RB1CC1: variants seen among roughly 807,000 people sequenced by gnomAD.
The protein encoded by RB1CC1 is RB1 inducible coiled-coil 1.
Under a neutral mutation model 177.5 loss-of-function variants are expected in RB1CC1, and 46 were observed. That is an observed-to-expected ratio of 0.26 (90% CI 0.20 to 0.33). The LOEUF (loss-of-function observed/expected upper bound fraction) is 0.33. RB1CC1 is among the 10% of genes least tolerant of loss of function. The probability of loss-of-function intolerance (pLI) is 1.00; values close to 1 mark genes in which losing one functional copy is unlikely to be tolerated. For synonymous variants in RB1CC1, 666 were observed against 613.6 expected (o/e 1.09, Z -1.26); for missense variants, 1,703 against 1,816.3 (o/e 0.94, Z 1.13).
chr8:52,695,120 A>G (rs915489271), intron 1 of RB1CC1, among the ~76,000 whole-genome samples: 1 of 152,228 alleles, frequency 6.6e-6, no homozygotes, highest in African/African-American at 2.4e-5. Context: ...ATCTAAAAAG[A>G]AGACAGTATT....
intron 1 of RB1CC1, among the ~76,000 whole-genome samples, chr8:52,690,707 CT>C (rs1854776033): frequency 6.6e-6 from 1 of 152,106 alleles, no homozygotes; most frequent in Admixed American, 6.5e-5. Context: ...TGAATATTAT[CT>C]TTTGTTTTGA....
intron 20 of RB1CC1, among the ~76,000 whole-genome samples, chr8:52,631,347 T>C (rs1266786871): frequency 6.6e-6 from 1 of 152,136 alleles, no homozygotes; most frequent in Non-Finnish European, 1.5e-5. Flanking sequence ...CAAGCGCCTA[T>C]GGTCCCAGCT....
intron 1 of RB1CC1, among the ~76,000 whole-genome samples, chr8:52,703,477 A>AT (rs1337075731): frequency 2.6e-5 from 4 of 152,204 alleles, no homozygotes; most frequent in African/African-American, 9.7e-5. Context: ...GCTCCATACC[A>AT]TTTAGGCTGA....
chr8:52,689,724 TA>T (rs2150627759), intron 1 of RB1CC1, among the ~76,000 whole-genome samples: 1 of 152,252 alleles, frequency 6.6e-6, no homozygotes, highest in East Asian at 1.9e-4. Context: ...ATCGAGCTGC[TA>T]AAGTCTCTGA....
At chr8:52,627,959 G>T (rs1409491456) in intron 22 of RB1CC1, 73 bp downstream of exon 22, 2 of 1,346,032 alleles carry the variant, frequency 1.5e-6, no homozygotes, top group Non-Finnish European at 2.0e-6. Context: ...TAATTAAACA[G>T]GGAAAAAAAA....
intron 1 of RB1CC1, among the ~76,000 whole-genome samples, chr8:52,708,648 GT>G (rs1856796206): frequency 6.6e-6 from 1 of 152,154 alleles, no homozygotes; most frequent in African/African-American, 2.4e-5. Flanking sequence ...CTCTTAAGTA[GT>G]TAATATAAGG....
intron 23 of RB1CC1, 31 bp from the exon 24 acceptor site, chr8:52,623,890 G>T: frequency 9.2e-6 from 13 of 1,418,890 alleles, no homozygotes; most frequent in Non-Finnish European, 1.2e-5. Flanking sequence ...GGAATCACTA[G>T]AGTGATTAAA....
intron 1 of RB1CC1, among the ~76,000 whole-genome samples, chr8:52,690,431 G>A (rs1454998681): frequency 6.6e-6 from 1 of 152,184 alleles, no homozygotes; most frequent in Non-Finnish European, 1.5e-5. Flanking sequence ...GGAGAAAGCA[G>A]CATTAAACAA....
At chr8:52,667,705 T>C (rs941578617) in intron 8 of RB1CC1, among the ~76,000 whole-genome samples, 1 of 152,190 alleles carries the variant, frequency 6.6e-6, no homozygotes, top group Non-Finnish European at 1.5e-5. Context: ...TCATTTCTTA[T>C]CCTTCGTCCT....
At chr8:52,660,072 G>A (rs1479287156) in intron 12 of RB1CC1, among the ~76,000 whole-genome samples, 1 of 152,180 alleles carries the variant, frequency 6.6e-6, no homozygotes, top group Admixed American at 6.5e-5. Context: ...TCATGGAAAC[G>A]TTTCTTCTCA....
At chr8:52,683,490 GC>G (rs1367571699) in intron 5 of RB1CC1, 58 bp downstream of exon 5, 27 of 1,407,842 alleles carry the variant, frequency 1.9e-5, no homozygotes, top group Non-Finnish European at 2.6e-5. Context: ...AGACTACTGT[GC>G]TATTTAGATC....
chr8:52,685,404 C>T lies in RB1CC1; in HGVS notation c.66G>A (p.Val22=). The T allele has an allele frequency of 6.3e-7, 1 of 1,589,080 alleles. No individual in the cohort carries two copies. The highest frequency in any genetic ancestry group is 8.6e-7 in the Non-Finnish European group (1 of 1,162,464). Residue 22 remains valine, a synonymous_variant, in exon 3 of 24, where the codon GTG becomes GTA. Transcript: ENST00000025008. ...TTLTFDTELT[V]QTVADLKHAI... Reference sequence around the variant, plus strand: ...ATAAATGAAATACAACTCACGTTTGCACTGTAAGTTCAGTGTCAAATGTTA... The same window carrying T: ...ATAAATGAAATACAACTCACGTTTGTACTGTAAGTTCAGTGTCAAATGTTA...
chr8:52,704,838 C>T (rs1856413274), intron 1 of RB1CC1, among the ~76,000 whole-genome samples: 1 of 152,184 alleles, frequency 6.6e-6, no homozygotes, highest in South Asian at 2.1e-4. Context: ...ATAAGTATTA[C>T]TTTTCACCAA....
At position 52,685,545 on chromosome 8, in the gene RB1CC1, A is replaced by G. The variant is rs991769590; in HGVS notation, c.-51-25T>C. On this transcript the variant is annotated intron_variant, in intron 2 of 23. Transcript: ENST00000025008. ...ACTAGAAGAAACAAGAGAAGTGATC[A>G]ATTTTACAAATGCAACTACAATCAC... 5.9e-6 allele frequency: 5 copies of G among 846,416 alleles called. No individual in the cohort carries two copies. In the African/African-American group the frequency reaches 8.5e-5, roughly 14 times the overall value. The allele number at this position is 846,416 out of a possible 1,614,324, so 52.4% of individuals were successfully genotyped here. A position where few individuals can be genotyped will look rare whatever the true frequency, so the allele number is the denominator to read the frequency against.
rs774154239 is a variant in RB1CC1 at position 52,660,649 on chromosome 8, A to G, written c.1636T>C (p.Phe546Leu). 1 of 1,599,446 alleles carries G rather than the reference A, an allele frequency of 6.3e-7. No homozygotes were observed. Among genetic ancestry groups the G allele is most frequent in the South Asian group, 1.1e-5 (1 of 87,026 alleles). ...CCCCTAAACAGACGATTTCTTAAAA[A>G]AGACTTCCCTGTATAAAGAAATTAA... ...ESFGKLFRKS[F>L]LRNRLFRGLD... The change falls in exon 12 of 24, where the codon TTT becomes CTT. Residue 546 changes from phenylalanine (F) to leucine (L), a missense_variant. Physicochemically the swap from Phe to Leu is conservative, Grantham distance 22 (BLOSUM62 0). Around this residue, in one of 6 missense-constraint regions of RB1CC1, gnomAD observed 1,169 missense variants for 1,184.7 expected, o/e 0.99. Transcript: ENST00000025008.
At position 52,674,692 on chromosome 8, in the gene RB1CC1, T is replaced by C. The variant is rs113342194; in HGVS notation, c.573-418A>G. On this transcript the variant is annotated intron_variant, in intron 6 of 23. Transcript: ENST00000025008. ...CTGAGGCACAAGAATCGCTTGAACC[T>C]GGGAGGCGGAGGCTGCAGTGAGCTG... 5.3e-3 allele frequency among the ~76,000 whole-genome samples: 787 copies of C among 148,872 alleles called. 5 individuals are homozygous for C. The highest frequency in any genetic ancestry group is 8.5e-3 in the Non-Finnish European group (571 of 67,538).
At chr8:52,668,444 C>T (rs538251184) in intron 7 of RB1CC1, among the ~76,000 whole-genome samples, 1 of 152,328 alleles carries the variant, frequency 6.6e-6, no homozygotes, top group African/African-American at 2.4e-5. Flanking sequence ...ATCAGTGCTA[C>T]AATTTAATCA....
chr8:52,709,806 C>A (rs887967773), intron 1 of RB1CC1, among the ~76,000 whole-genome samples: 1 of 152,236 alleles, frequency 6.6e-6, no homozygotes, highest in African/African-American at 2.4e-5. Context: ...AAGGGGGACA[C>A]CCCAATGACA....
intron 20 of RB1CC1, among the ~76,000 whole-genome samples, chr8:52,634,099 A>G (rs1848953928): frequency 6.6e-6 from 1 of 152,170 alleles, no homozygotes; most frequent in Admixed American, 6.5e-5. Context: ...CCTGGGCAAC[A>G]GAGAGAGACC....
Sources: gnomAD v4.1 joint callset for allele counts (sites outside exome capture counted in the v4.1 genomes callset) on GRCh38, gnomAD v4.1.1 for gene constraint, gnomAD v4.1.1 regional missense constraint, MANE v1.5 for transcripts, NCBI Gene and HGNC (gene_info 2026-07-23, HGNC 2026-07-21) for gene names.